The following KIAA1217 variants were observed in gnomAD, a reference collection of about 807,000 sequenced individuals.
The protein encoded by KIAA1217 is sickle tail protein homolog.
In KIAA1217, 88 loss-of-function variants were observed where a neutral mutation model predicts 163.9. The ratio of observed to expected loss-of-function variants is 0.54; its 90% CI spans 0.45 to 0.64. The LOEUF (loss-of-function observed/expected upper bound fraction) is 0.64. Ranked by LOEUF, KIAA1217 falls within the 30% of genes least tolerant of loss-of-function variation. The pLI is 0.00. For missense variants in KIAA1217, 2,372 were observed against 2,475.0 expected (o/e 0.96, Z 0.88); for synonymous variants, 903 against 923.1 (o/e 0.98, Z 0.39).
chr10:24,382,436 A>AC (rs900744668), intron 3 of KIAA1217, among the ~76,000 whole-genome samples: 12 of 151,832 alleles, frequency 7.9e-5, no homozygotes, highest in African/African-American at 2.4e-4. Flanking sequence ...CTAAAAAAAA[A>AC]CCCTACAACT....
At chr10:24,231,792 C>T (rs2071449197) in intron 2 of KIAA1217, among the ~76,000 whole-genome samples, 2 of 151,164 alleles carry the variant, frequency 1.3e-5, no homozygotes, top group Non-Finnish European at 1.5e-5. Flanking sequence ...ATTTATTTTT[C>T]ACTCTTGGGT....
intron 2 of KIAA1217, among the ~76,000 whole-genome samples, chr10:24,089,549 G>A (rs1349418522): frequency 6.6e-6 from 1 of 150,754 alleles, no homozygotes; most frequent in Non-Finnish European, 1.5e-5. Flanking sequence ...TTATTAAATA[G>A]GGAATCCTTT....
intron 2 of KIAA1217, among the ~76,000 whole-genome samples, chr10:24,019,857 A>G (rs181863598): frequency 7.2e-5 from 11 of 152,168 alleles, no homozygotes; most frequent in African/African-American, 2.4e-4. Context: ...TAAAAAGAAA[A>G]AAAGAAAAAG....
intron 17 of KIAA1217, 152 bp from the exon 18 acceptor site, chr10:24,542,541 A>G: frequency 1.4e-6 from 2 of 1,466,078 alleles, no homozygotes; most frequent in Non-Finnish European, 9.1e-7. Context: ...AAGCAATCCA[A>G]GGTAAACAGC....
chr10:23,707,422 A>C (rs1836962188), intron 1 of KIAA1217, among the ~76,000 whole-genome samples: 1 of 152,164 alleles, frequency 6.6e-6, no homozygotes, highest in Non-Finnish European at 1.5e-5. Context: ...TCCTCAGAGC[A>C]GTGTGTTTTC....
chr10:23,992,578 C>A (rs1485672707), intron 1 of KIAA1217, among the ~76,000 whole-genome samples: 9 of 146,970 alleles, frequency 6.1e-5, no homozygotes, highest in African/African-American at 2.3e-4. Context: ...ATTTGGCAAA[C>A]AAGAAAGGCC....
chr10:24,200,995 G>A (rs1184486476), intron 2 of KIAA1217, among the ~76,000 whole-genome samples: 2 of 152,136 alleles, frequency 1.3e-5, no homozygotes, highest in Non-Finnish European at 2.9e-5. Flanking sequence ...CAGCAGCTGG[G>A]TGCCATGGCT....
chr10:24,445,465 T>C (rs2060841390), intron 5 of KIAA1217, among the ~76,000 whole-genome samples: 1 of 151,782 alleles, frequency 6.6e-6, no homozygotes, highest in South Asian at 2.1e-4. Flanking sequence ...ATGTGCCATG[T>C]TGGTGTGCTG....
chr10:24,205,302 C>CA (rs61292023), upstream of KIAA1217, among the ~76,000 whole-genome samples: 6,924 of 36,518 alleles, frequency 0.19, 1,569 homozygotes, highest in Non-Finnish European at 0.26. Context: ...ACTAAAAATA[C>CA]AAAAAAAAAA....
At chr10:23,860,472 C>CT (rs1340398369) in intron 1 of KIAA1217, among the ~76,000 whole-genome samples, 21 of 152,024 alleles carry the variant, frequency 1.4e-4, no homozygotes, top group African/African-American at 5.1e-4. Context: ...AATTTAATGA[C>CT]AATATTATAC....
chr10:24,380,380 C>A (rs919207315), intron 2 of KIAA1217, among the ~76,000 whole-genome samples: 1 of 152,068 alleles, frequency 6.6e-6, no homozygotes. Flanking sequence ...AATCCTAGCA[C>A]TTTGGGAGGC....
At chr10:23,842,662 G>A (rs999239130) in intron 1 of KIAA1217, among the ~76,000 whole-genome samples, 13 of 152,108 alleles carry the variant, frequency 8.5e-5, no homozygotes, top group Admixed American at 2.6e-4. Context: ...ATTACATGGT[G>A]GTGAATGAAA....
chr10:24,289,407 G>T (rs894105517), intron 2 of KIAA1217, among the ~76,000 whole-genome samples: 2 of 152,168 alleles, frequency 1.3e-5, no homozygotes, highest in Non-Finnish European at 1.5e-5. Flanking sequence ...AACAGTTGGT[G>T]GGTGGATTTG....
chr10:24,146,764 G>A (rs1240038647), intron 2 of KIAA1217, among the ~76,000 whole-genome samples: 2 of 152,106 alleles, frequency 1.3e-5, no homozygotes, highest in African/African-American at 2.4e-5. Flanking sequence ...GATGGAAGGA[G>A]ACAGGCTAGG....
At chr10:24,143,697 G>A (rs1002388326) in intron 2 of KIAA1217, among the ~76,000 whole-genome samples, 7 of 151,860 alleles carry the variant, frequency 4.6e-5, no homozygotes, top group Non-Finnish European at 7.4e-5. Flanking sequence ...TCAGTCTCAC[G>A]GAGAACCAGG....
intron 2 of KIAA1217, among the ~76,000 whole-genome samples, chr10:24,175,926 G>C (rs980926413): frequency 6.6e-6 from 1 of 152,164 alleles, no homozygotes; most frequent in Non-Finnish European, 1.5e-5. Context: ...AGGCAGTGCG[G>C]ACCCAAAGAG....
chr10:23,720,009 G>A (rs1430760338), intron 1 of KIAA1217, among the ~76,000 whole-genome samples: 1 of 152,072 alleles, frequency 6.6e-6, no homozygotes, highest in Non-Finnish European at 1.5e-5. Context: ...GTGGTTGCCA[G>A]GGCCTGGGGA....
chr10:24,076,446 A>G lies in KIAA1217; in HGVS notation c.-171+69072A>G, dbSNP rs142651469. Among the ~76,000 whole-genome samples, 250 of 152,312 alleles carry G rather than the reference A, an allele frequency of 1.6e-3. 1 individual carries two copies. The highest frequency in any genetic ancestry group is 2.9e-3 in the Non-Finnish European group (195 of 68,030). ...CGTGGTCTGTGCCACTCTCTGGAGC[A>G]TAGCTATCTAATCCTTTTGTTTCTG... is the stretch of plus-strand genomic sequence containing the variant. On this transcript the variant is annotated intron_variant, in intron 2 of 18. Transcript: ENST00000376462.
intron 1 of KIAA1217, among the ~76,000 whole-genome samples, chr10:23,826,620 T>C (rs950668092): frequency 2.6e-5 from 4 of 152,174 alleles, no homozygotes; most frequent in Non-Finnish European, 4.4e-5. Context: ...TGATTCAAGC[T>C]GTGGATGGAG....
Sources: allele counts gnomAD v4.1 joint callset (sites outside exome capture counted in the v4.1 genomes callset), GRCh38; gene constraint gnomAD v4.1.1; transcripts MANE v1.5; gene names NCBI Gene and HGNC (gene_info 2026-07-23, HGNC 2026-07-21).